The following USP8 variants were observed in gnomAD, a reference collection of about 807,000 sequenced individuals.
The protein encoded by USP8 is ubiquitin specific peptidase 8.
A neutral mutation model predicts 130.0 loss-of-function variants in USP8; 27 were observed. That is an observed-to-expected ratio of 0.21 (90% CI 0.15 to 0.29). USP8 has a LOEUF of 0.29. Ranked by LOEUF, USP8 falls within the 10% of genes least tolerant of loss-of-function variation. USP8 has a pLI of 1.00. For missense variants in USP8, 1,029 were observed against 1,312.2 expected, an observed-to-expected ratio of 0.78 and a Z score of 3.33; for synonymous variants, 392 against 444.1, an observed-to-expected ratio of 0.88 and a Z score of 1.48.
At chr15:50,470,424 G>A (rs1396429735) in intron 7 of USP8, among the ~76,000 whole-genome samples, 3 of 152,086 alleles carry the variant, frequency 2.0e-5, no homozygotes, top group African/African-American at 7.2e-5. Flanking sequence ...GCTATCTGAG[G>A]GAAGCAGATT....
At position 50,492,872 on chromosome 15, in the gene USP8, T is replaced by C. The variant is rs764035988; in HGVS notation, c.2406T>C (p.Ala802=). Residue 802 remains alanine, a synonymous_variant, in exon 15 of 20, where the codon GCT becomes GCC. Coordinates refer to ENST00000307179, the MANE Select transcript of USP8 (RefSeq NM_005154.5). ...LQCLCNAPHL[A]DYFNRNCYQD... is the part of the protein sequence containing the mutation. ...GCCTATGTAACGCTCCACATTTGGC[T>C]GATTATTTCAACCGAAACTGTTATC... 5.0e-6 allele frequency: 8 copies of C among 1,614,154 alleles called. No homozygotes were observed. The highest frequency in any genetic ancestry group is 6.8e-6 in the Non-Finnish European group (8 of 1,180,008).
intron 5 of USP8, among the ~76,000 whole-genome samples, chr15:50,459,996 C>CCTTTT (rs567135111): frequency 3.8e-4 from 35 of 91,968 alleles, no homozygotes; most frequent in Admixed American, 8.8e-4. Flanking sequence ...CACCCCCCCC[C>CCTTTT]TTTTTTTTTT....
At chr15:50,428,768 A>C (rs1190811434) in intron 1 of USP8, among the ~76,000 whole-genome samples, 1 of 152,200 alleles carries the variant, frequency 6.6e-6, no homozygotes, top group Non-Finnish European at 1.5e-5. Context: ...CAACCTCAGC[A>C]TGAGGTTTTT....
intron 4 of USP8, among the ~76,000 whole-genome samples, chr15:50,454,218 T>G (rs1428177770): frequency 2.0e-5 from 3 of 152,084 alleles, no homozygotes; most frequent in Non-Finnish European, 4.4e-5. Context: ...GGTTGGCAGG[T>G]TTTAATTTTC....
rs188967601 is a variant in USP8, at chr15:50,449,554, G to A, written c.335+69G>A. 2.7e-4 allele frequency: 313 copies of A among 1,143,940 alleles called. 3 individuals carry two copies. The East Asian group carries it at 8.4e-3, about 31-fold the overall frequency. The allele number at this position is 1,143,940 out of a possible 1,614,324, so 70.9% of individuals were successfully genotyped here. On this transcript the variant is annotated intron_variant, in intron 4 of 19. Transcript: ENST00000307179. ...ATAAAAATAATATTTAAGATTTACC[G>A]ATTTATATCTGACGATTCATATAAT... is the stretch of plus-strand genomic sequence containing the variant.
intron 1 of USP8, among the ~76,000 whole-genome samples, chr15:50,431,165 C>CTGTGTGTGTGTGTGTCTCTG (rs1555525410): frequency 1.4e-5 from 2 of 140,880 alleles, no homozygotes; most frequent in African/African-American, 2.7e-5. Context: ...GTGTGTGCCT[C>CTGTGTGTGTGTGTGTCTCTG]TGTGTGTGTG....
In USP8 at chr15:50,424,433, C is replaced by T; in HGVS notation, c.-147C>T. On this transcript the variant is annotated 5_prime_UTR_variant, in exon 1 of 20. Coordinates refer to ENST00000307179, the MANE Select transcript of USP8 (RefSeq NM_005154.5). ...CTGGGCTGGCTTCCGTCCTGGTAGC[C>T]AAGGCTAATTCTCCCTCGAGTTCTT... 2.5e-6 allele frequency: 1 copy of T among 398,668 alleles called. No homozygotes were observed. The highest frequency in any genetic ancestry group is 3.6e-5 in the East Asian group (1 of 28,068). The allele number at this position is 398,668 out of a possible 1,614,324, so 24.7% of individuals were successfully genotyped here.
rs778812970 is a variant in USP8 at position 50,500,749 on chromosome 15, C to T, written c.*1661C>T. ...AGAAGTATCTGGAATCTCACTGACT[C>T]GTGTGTTATCAAAGCTATATCAGGC... On this transcript the variant is annotated 3_prime_UTR_variant, in exon 20 of 20. Coordinates refer to ENST00000307179, the MANE Select transcript of USP8 (RefSeq NM_005154.5). The T allele has an allele frequency of 1.4e-5, 22 of 1,574,544 alleles. No individual in the cohort carries two copies. In the Admixed American group the frequency reaches 1.5e-4, roughly 11 times the overall value.
At chr15:50,494,854 A>AAAATAC (rs1258046267) in intron 16 of USP8, among the ~76,000 whole-genome samples, 2 of 152,242 alleles carry the variant, frequency 1.3e-5, no homozygotes, top group African/African-American at 4.8e-5. Context: ...GTCTCTACTA[A>AAAATAC]AAATACAAAA....
At chr15:50,491,406 C>G (rs1486928672) in intron 14 of USP8, among the ~76,000 whole-genome samples, 3 of 152,110 alleles carry the variant, frequency 2.0e-5, no homozygotes, top group Non-Finnish European at 4.4e-5. Context: ...TTCTATTAAT[C>G]TTGTTATAGA....
intron 3 of USP8, among the ~76,000 whole-genome samples, chr15:50,446,299 G>A (rs530947298): frequency 2.6e-4 from 40 of 152,292 alleles, no homozygotes; most frequent in African/African-American, 9.6e-4. Context: ...AGAGCACAGA[G>A]ATAAATAATT....
chr15:50,424,705 A>G (rs976293440), intron 1 of USP8, 191 bp downstream of exon 1: 5 of 391,516 alleles, frequency 1.3e-5, no homozygotes, highest in African/African-American at 6.2e-5. Flanking sequence ...CTTTTACGCC[A>G]TCTACCTAGG....
Position 50,486,818 on chromosome 15 carries a change from A to T in USP8, c.1890+2457A>T, listed in dbSNP as rs953325759. ...CTGCTCAGGTGATGGGTGCACTAAA[A>T]TCTCACAAATCACCACTAAAGAACT... On this transcript the variant is annotated intron_variant, in intron 12 of 19. Transcript: ENST00000307179. 2.0e-5 allele frequency among the ~76,000 whole-genome samples: 3 copies of T among 152,128 alleles called. No individual in the cohort carries two copies. The East Asian group carries it at 5.8e-4, about 29-fold the overall frequency.
At chr15:50,494,000 G>T in intron 15 of USP8, 70 bp from the exon 16 acceptor site, 2 of 1,535,450 alleles carry the variant, frequency 1.3e-6, no homozygotes, top group African/African-American at 1.4e-5. Context: ...TTGACATCAA[G>T]AATCTACTGT....
chr15:50,471,828 T>C, intron 8 of USP8, 33 bp downstream of exon 8: 2 of 1,610,686 alleles, frequency 1.2e-6, no homozygotes, highest in Non-Finnish European at 1.7e-6. Flanking sequence ...TTATTGTAAT[T>C]GCAGGGCATC....
At chr15:50,495,345 C>CAT (rs1194071762) in intron 16 of USP8, among the ~76,000 whole-genome samples, 1 of 90,244 alleles carries the variant, frequency 1.1e-5, no homozygotes, top group Non-Finnish European at 2.2e-5. Flanking sequence ...TATACACATA[C>CAT]ATATATACAT....
At chr15:50,455,086 C>CT (rs2050750752) in intron 4 of USP8, among the ~76,000 whole-genome samples, 1 of 147,612 alleles carries the variant, frequency 6.8e-6, no homozygotes, top group Non-Finnish European at 1.5e-5. Context: ...GAATTTCTTC[C>CT]TTTTTTTGAG....
At position 50,465,130 on chromosome 15, in the gene USP8, G is replaced by T. The variant is rs2051144191; in HGVS notation, c.625G>T (p.Asp209Tyr). 1.2e-6 allele frequency: 2 copies of T among 1,613,842 alleles called. No individual in the cohort carries two copies. Among genetic ancestry groups the T allele is most frequent in the Non-Finnish European group, 1.7e-6 (2 of 1,179,902 alleles). ...LIIMDARRMQ[D>Y]YQDSCILHSL... is the part of the protein sequence containing the mutation. ...TATAATGGATGCTCGAAGAATGCAG[G>T]ATTATCAGGATTCCTGTATTTTACA... The change falls in exon 7 of 20, where the codon GAT becomes TAT. Residue 209 changes from aspartate to tyrosine, a missense_variant. Asp to Tyr is a radical substitution (Grantham distance 160). Coordinates refer to ENST00000307179, the MANE Select transcript of USP8 (RefSeq NM_005154.5).
intron 3 of USP8, among the ~76,000 whole-genome samples, chr15:50,447,828 C>G (rs902575618): frequency 6.6e-6 from 1 of 151,174 alleles, no homozygotes; most frequent in Non-Finnish European, 1.5e-5. Flanking sequence ...GTCTCAAACT[C>G]CTGGGCTCAA....
Sources: gnomAD v4.1 joint callset for allele counts (sites outside exome capture counted in the v4.1 genomes callset) on GRCh38, gnomAD v4.1.1 for gene constraint, MANE v1.5 for transcripts, NCBI Gene and HGNC (gene_info 2026-07-23, HGNC 2026-07-21) for gene names.